Variants in PRKACB observed in about 807,000 individuals in gnomAD.
PRKACB encodes protein kinase cAMP-activated catalytic subunit beta.
PRKACB carries 16 observed loss-of-function variants against 51.4 expected under a neutral mutation model. The ratio of observed to expected loss-of-function variants is 0.31; its 90% CI spans 0.21 to 0.47. The LOEUF is 0.47. Ranked by LOEUF, PRKACB falls within the 20% of genes least tolerant of loss-of-function variation. The pLI is 1.00. For synonymous variants in PRKACB, 147 were observed against 154.4 expected (o/e 0.95, Z 0.35); for missense variants, 309 against 464.5 (o/e 0.67, Z 3.08).
chr1:84,128,024 T>C (rs1489848506), intron 1 of PRKACB, among the ~76,000 whole-genome samples: 1 of 145,538 alleles, frequency 6.9e-6, no homozygotes, highest in Non-Finnish European at 1.5e-5. Context: ...TTTTTTTTTT[T>C]TGAGACAGAG....
At chr1:84,103,906 T>C (rs886808036) in intron 1 of PRKACB, among the ~76,000 whole-genome samples, 2 of 152,218 alleles carry the variant, frequency 1.3e-5, no homozygotes, top group African/African-American at 2.4e-5. Flanking sequence ...ACATATGTAA[T>C]GTGTAATGAT....
chr1:84,130,958 G>T (rs1449443643), intron 1 of PRKACB, among the ~76,000 whole-genome samples: 1 of 152,030 alleles, frequency 6.6e-6, no homozygotes, highest in Non-Finnish European at 1.5e-5. Flanking sequence ...TTGTCTGTTG[G>T]GGTTTCCAAT....
In PRKACB at chr1:84,164,834, C is replaced by T. The variant is rs1024553197; in HGVS notation, c.188-14343C>T. ...CATGCTAGGCAGTTATGCTTTGCTTCTAGGGGCTTCTCTTTTTAAAACAAA... is the reference window on the plus strand; with the variant it reads ...CATGCTAGGCAGTTATGCTTTGCTTTTAGGGGCTTCTCTTTTTAAAACAAA... On this transcript the variant is annotated intron_variant, in intron 1 of 9. Transcript: ENST00000370685. 6.5e-6 allele frequency: 9 copies of T among 1,385,620 alleles called. No homozygotes were observed. The African/African-American group carries it at 1.3e-4, about 20-fold the overall frequency. The allele number at this position is 1,385,620 out of a possible 1,614,324, so 85.8% of individuals were successfully genotyped here. A position where few individuals can be genotyped will look rare whatever the true frequency, so the allele number is the denominator to read the frequency against.
chr1:84,107,042 T>G (rs1406537293), intron 1 of PRKACB, among the ~76,000 whole-genome samples: 1 of 152,070 alleles, frequency 6.6e-6, no homozygotes, highest in Non-Finnish European at 1.5e-5. Context: ...AGTAGTATGC[T>G]TAGTACCTGG....
intron 1 of PRKACB, among the ~76,000 whole-genome samples, chr1:84,151,137 C>A (rs1336046506): frequency 6.6e-6 from 1 of 152,120 alleles, no homozygotes; most frequent in Non-Finnish European, 1.5e-5. Context: ...TACTGCAGGT[C>A]CAGTTCCAGA....
chr1:84,118,353 A>T lies in PRKACB; in HGVS notation c.46+39982A>T, dbSNP rs534160617. Among the ~76,000 whole-genome samples, 14 of 152,278 alleles carry T rather than the reference A, an allele frequency of 9.2e-5. No homozygotes were observed. The South Asian group carries it at 2.7e-3, about 29-fold the overall frequency. ...TGTGGTTCTTCTTTCTGGAGAGAGC[A>T]GGTGTCTCACATCTCTAGTCAGCCA... On this transcript the variant is annotated intron_variant, in intron 1 of 8. Coordinates refer to the PRKACB transcript ENST00000370688.
At chr1:84,217,291 A>G (rs1453276164) in intron 9 of PRKACB, among the ~76,000 whole-genome samples, 1 of 152,294 alleles carries the variant, frequency 6.6e-6, no homozygotes, top group Admixed American at 6.5e-5. Flanking sequence ...TAATTCCACC[A>G]TCCAAATAGA....
chr1:84,205,436 T>C lies in PRKACB; in HGVS notation c.906+2631T>C, dbSNP rs146649377. On this transcript the variant is annotated intron_variant, in intron 8 of 9. Coordinates refer to ENST00000370685, the MANE Select transcript of PRKACB (RefSeq NM_182948.4). ...AATTATTAAAAATCCAATTTGGTCTTATATTTGTGGATCCTTATATTTATA... is the reference window on the plus strand; with the variant it reads ...AATTATTAAAAATCCAATTTGGTCTCATATTTGTGGATCCTTATATTTATA... The C allele has an allele frequency of 2.9e-4, 60 of 205,718 alleles. 1 individual carries two copies. Among genetic ancestry groups the C allele is most frequent in the African/African-American group, 1.4e-3 (60 of 42,570 alleles). The allele number at this position is 205,718 out of a possible 1,614,324, so 12.7% of individuals were successfully genotyped here. A position where few individuals can be genotyped will look rare whatever the true frequency, so the allele number is the denominator to read the frequency against.
intron 1 of PRKACB, chr1:84,164,660 A>C (rs1170773165): frequency 7.2e-7 from 1 of 1,396,646 alleles, no homozygotes; most frequent in African/African-American, 1.5e-5. Flanking sequence ...AATTGAGAAC[A>C]TCTTATACAT....
chr1:84,175,112 G>C, intron 1 of PRKACB: 1 of 1,334,726 alleles, frequency 7.5e-7, no homozygotes, highest in South Asian at 1.9e-5. Flanking sequence ...TTTATTTATT[G>C]TTTGCAAGTT....
chr1:84,117,885 T>C (rs1650758400), intron 1 of PRKACB, among the ~76,000 whole-genome samples: 2 of 152,236 alleles, frequency 1.3e-5, no homozygotes, highest in African/African-American at 4.8e-5. Flanking sequence ...TATATGTTAA[T>C]TTGTAATCTT....
chr1:84,227,870 G>C (rs547982937), intron 9 of PRKACB, among the ~76,000 whole-genome samples: 17 of 152,214 alleles, frequency 1.1e-4, no homozygotes, highest in Admixed American at 5.9e-4. Flanking sequence ...AATATGAATA[G>C]TTTTAATTGT....
At chr1:84,117,939 A>C (rs550055206) in intron 1 of PRKACB, among the ~76,000 whole-genome samples, 4 of 152,186 alleles carry the variant, frequency 2.6e-5, no homozygotes, top group African/African-American at 9.6e-5. Context: ...AAAACTTCCC[A>C]TGATGACTGT....
chr1:84,231,048 A>G (rs4306146), intron 9 of PRKACB, among the ~76,000 whole-genome samples: 12,782 of 146,058 alleles, frequency 0.088, 629 homozygotes, highest in Middle Eastern at 0.14. Flanking sequence ...CCCATTCAGT[A>G]TGATATTGGC....
At chr1:84,131,547 C>T (rs1652213385) in intron 1 of PRKACB, among the ~76,000 whole-genome samples, 1 of 152,176 alleles carries the variant, frequency 6.6e-6, no homozygotes, top group South Asian at 2.1e-4. Flanking sequence ...ATGTAAAGAA[C>T]CTAGAATCTA....
intron 9 of PRKACB, among the ~76,000 whole-genome samples, chr1:84,216,195 T>A (rs1436443840): frequency 6.6e-6 from 1 of 151,960 alleles, no homozygotes; most frequent in Non-Finnish European, 1.5e-5. Context: ...AAAAATTATC[T>A]GGGTATGATG....
intron 1 of PRKACB, among the ~76,000 whole-genome samples, chr1:84,126,517 C>A (rs2100911019): frequency 6.6e-6 from 1 of 152,236 alleles, no homozygotes; most frequent in African/African-American, 2.4e-5. Flanking sequence ...TGCCACTCTG[C>A]TGGTGGGGCT....
chr1:84,197,629 C>G (rs1668571128), intron 6 of PRKACB, 100 bp from the exon 7 acceptor site: 2 of 732,020 alleles, frequency 2.7e-6, no homozygotes, highest in Non-Finnish European at 4.2e-6. Context: ...CCATTTCTTT[C>G]ATAGTTTCAA....
chr1:84,231,687 A>G (rs1675689994), intron 9 of PRKACB, among the ~76,000 whole-genome samples: 1 of 152,120 alleles, frequency 6.6e-6, no homozygotes, highest in Non-Finnish European at 1.5e-5. Flanking sequence ...CATTTCTTCT[A>G]GATTTTCTAG....
Sources: gnomAD v4.1 joint callset for allele counts (sites outside exome capture counted in the v4.1 genomes callset) on GRCh38, gnomAD v4.1.1 for gene constraint, MANE v1.5 for transcripts, NCBI Gene and HGNC (gene_info 2026-07-23, HGNC 2026-07-21) for gene names.